PUS7: variants seen among roughly 807,000 people sequenced by gnomAD.
The protein encoded by PUS7 is pseudouridine synthase 7, also known as pseudouridylate synthase 7 homolog.
Under a neutral mutation model 79.8 loss-of-function variants are expected in PUS7, and 48 were observed. The ratio of observed to expected loss-of-function variants is 0.60; its 90% CI spans 0.48 to 0.76. The LOEUF (loss-of-function observed/expected upper bound fraction) is 0.76, where lower values mean the gene tolerates loss of function less well. Among genes scored for constraint, PUS7 ranks in the 30% least tolerant of loss-of-function variants. The probability of loss-of-function intolerance (pLI) is 0.00; values close to 1 mark genes in which losing one functional copy is unlikely to be tolerated. For missense variants in PUS7, 729 were observed against 797.6 expected (o/e 0.91, Z 1.04); for synonymous variants, 286 against 272.2 (o/e 1.05, Z -0.50).
rs547568535 is a variant in PUS7 at position 105,502,606 on chromosome 7, C to T, written c.586-42G>A. ...ATAGCAATACCACCAAGTTAACAAACATTAAATAGGGAAGTAATACAGTGA... is the reference window on the plus strand; with the variant it reads ...ATAGCAATACCACCAAGTTAACAAATATTAAATAGGGAAGTAATACAGTGA... On this transcript the variant is annotated intron_variant, in intron 4 of 15. Transcript: ENST00000469408. 251 of 1,599,062 alleles carry T rather than the reference C, an allele frequency of 1.6e-4. 3 individuals carry two copies. In the South Asian group the frequency reaches 2.6e-3, roughly 17 times the overall value.
At chr7:105,516,487 A>G (rs1825900667) in intron 1 of PUS7, among the ~76,000 whole-genome samples, 1 of 151,640 alleles carries the variant, frequency 6.6e-6, no homozygotes, top group African/African-American at 2.4e-5. Context: ...CTTGTTGCCC[A>G]GGCTGGAGTG....
intron 9 of PUS7, among the ~76,000 whole-genome samples, chr7:105,472,516 T>G (rs976700212): frequency 2.0e-5 from 3 of 152,178 alleles, no homozygotes; most frequent in African/African-American, 7.2e-5. Flanking sequence ...ATTACAGGTA[T>G]TAGCCATTAC....
chr7:105,500,330 A>G (rs940784021), intron 5 of PUS7, among the ~76,000 whole-genome samples: 1 of 152,210 alleles, frequency 6.6e-6, no homozygotes, highest in Admixed American at 6.5e-5. Context: ...CGGGTGTCGC[A>G]TAAGCAGAGA....
intron 9 of PUS7, among the ~76,000 whole-genome samples, chr7:105,473,187 CTT>C (rs142175641): frequency 0.027 from 4,166 of 152,218 alleles, 199 homozygotes; most frequent in African/African-American, 0.094. Flanking sequence ...ACGATTTACT[CTT>C]ATCATTCTTG....
In PUS7 at chr7:105,457,690, A is replaced by G; in HGVS notation, c.*100T>C. 1.8e-6 allele frequency: 2 copies of G among 1,127,298 alleles called. No homozygotes were observed. The highest frequency in any genetic ancestry group is 2.4e-6 in the Non-Finnish European group (2 of 820,178). 69.8% of individuals were successfully genotyped at this position (1,127,298 alleles called of 1,614,324 possible). A position where few individuals can be genotyped will look rare whatever the true frequency, so the allele number is the denominator to read the frequency against. ...AATACAAATAATTTTTATTACAAAGATTTGAAATCCATATATGAGTCTGAA... is the reference window on the plus strand; with the variant it reads ...AATACAAATAATTTTTATTACAAAGGTTTGAAATCCATATATGAGTCTGAA... On this transcript the variant is annotated 3_prime_UTR_variant, in exon 16 of 16. Coordinates refer to ENST00000469408, the MANE Select transcript of PUS7 (RefSeq NM_019042.5).
At chr7:105,469,276 T>C (rs936957707) in intron 11 of PUS7, among the ~76,000 whole-genome samples, 1 of 151,926 alleles carries the variant, frequency 6.6e-6, no homozygotes, top group African/African-American at 2.4e-5. Context: ...TCCTTCTACT[T>C]TAATCTCTCA....
intron 9 of PUS7, among the ~76,000 whole-genome samples, chr7:105,477,216 G>A (rs773171772): frequency 6.6e-6 from 1 of 151,942 alleles, no homozygotes; most frequent in Non-Finnish European, 1.5e-5. Flanking sequence ...CAGCTCTTAT[G>A]TTTAGATCTT....
At chr7:105,485,643 T>G (rs1824514128) in intron 7 of PUS7, among the ~76,000 whole-genome samples, 1 of 152,240 alleles carries the variant, frequency 6.6e-6, no homozygotes, top group African/African-American at 2.4e-5. Context: ...TTATCCAACA[T>G]TTTTTGAATC....
At chr7:105,493,773 C>T (rs1824893540) in intron 6 of PUS7, among the ~76,000 whole-genome samples, 1 of 152,038 alleles carries the variant, frequency 6.6e-6, no homozygotes, top group South Asian at 2.1e-4. Flanking sequence ...CAGCCATCTG[C>T]GAGCCAAGGA....
chr7:105,463,203 T>G (rs1190241231), intron 13 of PUS7, among the ~76,000 whole-genome samples: 1 of 152,224 alleles, frequency 6.6e-6, no homozygotes, highest in Admixed American at 6.5e-5. Flanking sequence ...GAGTCTTTTT[T>G]ATAGCACTCA....
chr7:105,508,867 G>C (rs1263704657), intron 1 of PUS7, among the ~76,000 whole-genome samples: 1 of 35,742 alleles, frequency 2.8e-5, no homozygotes. Context: ...GTGAGACATT[G>C]TCTTAAAAAA....
chr7:105,510,536 C>T (rs928015359), intron 1 of PUS7, among the ~76,000 whole-genome samples: 1 of 151,758 alleles, frequency 6.6e-6, no homozygotes, highest in African/African-American at 2.4e-5. Context: ...TTTTTTGAGA[C>T]AGGGTCTCAC....
intron 3 of PUS7, 39 bp from the exon 4 acceptor site, chr7:105,506,095 T>A: frequency 1.9e-6 from 3 of 1,581,642 alleles, no homozygotes; most frequent in Non-Finnish European, 2.6e-6. Flanking sequence ...GAATCATACA[T>A]AGAATTCAAG....
chr7:105,493,468 G>A (rs1035132819), intron 6 of PUS7, among the ~76,000 whole-genome samples: 1 of 152,186 alleles, frequency 6.6e-6, no homozygotes, highest in Non-Finnish European at 1.5e-5. Flanking sequence ...CTCTCCCAGG[G>A]AGTTAATAAA....
In PUS7 at chr7:105,457,211, C is replaced by T. The variant is rs898974581; in HGVS notation, c.*579G>A. ...CTGCAAGGCATTGATAATATAAATG[C>T]AAAAGCCACCGCAACCAAAAAGTCT... On this transcript the variant is annotated 3_prime_UTR_variant, in exon 16 of 16. Coordinates refer to ENST00000469408, the MANE Select transcript of PUS7 (RefSeq NM_019042.5). 2.0e-5 allele frequency: 3 copies of T among 152,052 alleles called. No individual in the cohort carries two copies. The highest frequency in any genetic ancestry group is 7.2e-5 in the African/African-American group (3 of 41,390). 9.4% of individuals were successfully genotyped at this position (152,052 alleles called of 1,614,324 possible).
At chr7:105,502,308 T>C in intron 5 of PUS7, 112 bp downstream of exon 5, 1 of 1,310,054 alleles carries the variant, frequency 7.6e-7, no homozygotes, top group Admixed American at 2.2e-5. Flanking sequence ...ATCAATATTG[T>C]TCTCTGAGCA....
Position 105,459,198 on chromosome 7 carries a change from C to T in PUS7, c.1819G>A (p.Glu607Lys). ...GCAAAAACTGGTGGTGTCTTCCCTT[C>T]TAGGTTGTCCACATCTGTGTTGAAA... The part of the protein sequence containing the change: ...PLFNTDVDNL[E>K]GKTPPVFASE... The change falls in exon 15 of 16, where the codon GAA becomes AAA. Residue 607 changes from glutamate to lysine, a missense_variant. Glu to Lys is a moderately conservative substitution (Grantham distance 56, BLOSUM62 1). Transcript: ENST00000469408. 1 of 1,611,678 alleles carries T rather than the reference C, an allele frequency of 6.2e-7. No homozygotes were observed. Among genetic ancestry groups the T allele is most frequent in the Non-Finnish European group, 8.5e-7 (1 of 1,178,546 alleles).
intron 7 of PUS7, among the ~76,000 whole-genome samples, chr7:105,485,078 G>C (rs1331479580): frequency 1.3e-5 from 2 of 151,838 alleles, no homozygotes; most frequent in Admixed American, 6.6e-5. Context: ...GGCCAGGCTG[G>C]TCTCAAACTC....
At chr7:105,491,047 A>G (rs1229356386) in intron 7 of PUS7, among the ~76,000 whole-genome samples, 1 of 152,214 alleles carries the variant, frequency 6.6e-6, no homozygotes, top group Non-Finnish European at 1.5e-5. Context: ...CCCATTTTCT[A>G]TGAAAGCTTT....
Sources: allele counts gnomAD v4.1 joint callset (sites outside exome capture counted in the v4.1 genomes callset), GRCh38; gene constraint gnomAD v4.1.1; transcripts MANE v1.5; gene names NCBI Gene and HGNC (gene_info 2026-07-23, HGNC 2026-07-21).